METTL24: variants seen among roughly 807,000 people sequenced by gnomAD.
METTL24 encodes the protein methyltransferase like 24.
A neutral mutation model predicts 32.7 loss-of-function variants in METTL24; 29 were observed. That is an observed-to-expected ratio of 0.89 (90% confidence interval 0.66 to 1.21). METTL24 has a LOEUF of 1.21. Among genes scored for constraint, METTL24 ranks in the 50% most tolerant of loss-of-function variants. The pLI is 0.00. For synonymous variants in METTL24, 163 were observed against 179.5 expected (o/e 0.91, Z 0.73); for missense variants, 439 against 468.1 (o/e 0.94, Z 0.57).
chr6:110,278,313 C>T (rs200828838), intron 4 of METTL24, among the ~76,000 whole-genome samples: 8 of 152,144 alleles, frequency 5.3e-5, no homozygotes, highest in African/African-American at 1.4e-4. Context: ...ACTTTTTACA[C>T]GAAAGCTAGA....
chr6:110,347,670 G>A (rs893390861), intron 1 of METTL24, among the ~76,000 whole-genome samples: 7 of 152,120 alleles, frequency 4.6e-5, no homozygotes, highest in African/African-American at 1.7e-4. Flanking sequence ...TAGGAAATTT[G>A]TAAACATTCT....
At chr6:110,348,140 T>C (rs1282851245) in intron 1 of METTL24, among the ~76,000 whole-genome samples, 1 of 152,234 alleles carries the variant, frequency 6.6e-6, no homozygotes, top group Non-Finnish European at 1.5e-5. Flanking sequence ...CTGAACTCTT[T>C]CCATGTGAAC....
At position 110,358,125 on chromosome 6, in the gene METTL24, C is replaced by A; in HGVS notation, c.148G>T (p.Ala50Ser). 1.8e-6 allele frequency: 2 copies of A among 1,084,316 alleles called. No homozygotes were observed. Among genetic ancestry groups the A allele is most frequent in the Non-Finnish European group, 2.2e-6 (2 of 894,668 alleles). The allele number at this position is 1,084,316 out of a possible 1,614,324, so 67.2% of individuals were successfully genotyped here. The change falls in exon 1 of 5, where the codon GCC (alanine) becomes TCC (serine). Residue 50 changes from alanine to serine, a missense_variant. Transcript: ENST00000338882. Reference protein sequence around the residue: ...SPTRSAPPGPAWRPPGPHLPP... With the variant: ...SPTRSAPPGPSWRPPGPHLPP... ...AGGTGCGGCCCAGGTGGCCGCCAGG[C>A]CGGGCCCGGCGGGGCGCTGCGGGTG...
intron 4 of METTL24, among the ~76,000 whole-genome samples, chr6:110,275,753 C>A (rs1040395180): frequency 9.9e-5 from 15 of 152,072 alleles, no homozygotes; most frequent in African/African-American, 3.1e-4. Context: ...CAAACAACAA[C>A]AAAAAAATTC....
chr6:110,323,373 C>T (rs1390331968), intron 1 of METTL24, among the ~76,000 whole-genome samples: 2 of 152,156 alleles, frequency 1.3e-5, no homozygotes, highest in African/African-American at 4.8e-5. Context: ...GGGACCACGG[C>T]CCTTGGCTGC....
At chr6:110,323,222 G>A (rs768257964) in intron 1 of METTL24, among the ~76,000 whole-genome samples, 6 of 152,168 alleles carry the variant, frequency 3.9e-5, no homozygotes, top group Admixed American at 6.5e-5. Context: ...GTGCTCCTCC[G>A]GGAAAAGAAA....
At chr6:110,347,731 A>G (rs1772505314) in intron 1 of METTL24, among the ~76,000 whole-genome samples, 1 of 152,216 alleles carries the variant, frequency 6.6e-6, no homozygotes, top group Admixed American at 6.5e-5. Context: ...TATACTGTCA[A>G]TCCTACTATG....
intron 4 of METTL24, among the ~76,000 whole-genome samples, chr6:110,250,248 G>A (rs1395900018): frequency 6.6e-6 from 1 of 151,966 alleles, no homozygotes; most frequent in African/African-American, 2.4e-5. Flanking sequence ...AGAGCCATGA[G>A]AGAGAATGTG....
intron 4 of METTL24, among the ~76,000 whole-genome samples, chr6:110,263,905 A>G (rs1042601474): frequency 6.6e-6 from 1 of 152,206 alleles, no homozygotes; most frequent in Non-Finnish European, 1.5e-5. Flanking sequence ...TGCTGGGAAA[A>G]CTGGCTAGCC....
chr6:110,289,734 C>T (rs138421570), intron 4 of METTL24, among the ~76,000 whole-genome samples: 81 of 152,206 alleles, frequency 5.3e-4, no homozygotes, highest in African/African-American at 1.9e-3. Context: ...TGAATATTAA[C>T]AAGGTACAAA....
chr6:110,250,719 A>G (rs1778261695), intron 4 of METTL24, among the ~76,000 whole-genome samples: 1 of 152,210 alleles, frequency 6.6e-6, no homozygotes, highest in African/African-American at 2.4e-5. Flanking sequence ...TCCTTACATC[A>G]GCCAACACTG....
At chr6:110,299,612 C>G (rs1771484808) in intron 3 of METTL24, among the ~76,000 whole-genome samples, 2 of 152,102 alleles carry the variant, frequency 1.3e-5, no homozygotes, top group African/African-American at 4.8e-5. Flanking sequence ...TTAAAGACAA[C>G]AGCTGTTTTC....
In METTL24 at chr6:110,259,662, T is replaced by C. The variant is rs149223021; in HGVS notation, c.787-13402A>G. 1.4e-3 allele frequency among the ~76,000 whole-genome samples: 220 copies of C among 152,354 alleles called. 2 individuals are homozygous for C. The highest frequency in any genetic ancestry group is 5.1e-3 in the African/African-American group (213 of 41,598). On this transcript the variant is annotated intron_variant, in intron 4 of 4. Transcript: ENST00000338882. ...GCTTGAGATCTGAGAACGGACAGAC[T>C]GCCTCCTCAAGTGGGTCCCTGAACC... is the stretch of plus-strand genomic sequence containing the variant.
At chr6:110,249,464 T>C (rs984430206) in intron 4 of METTL24, among the ~76,000 whole-genome samples, 2 of 149,940 alleles carry the variant, frequency 1.3e-5, no homozygotes, top group African/African-American at 5.0e-5. Context: ...CTCTGCCTTC[T>C]GACCTGAGAG....
chr6:110,271,513 G>A (rs984136255), intron 4 of METTL24, among the ~76,000 whole-genome samples: 6 of 152,066 alleles, frequency 3.9e-5, no homozygotes, highest in Non-Finnish European at 7.4e-5. Context: ...AAAATTCAGT[G>A]TGATGAATAA....
chr6:110,306,793 A>G (rs1771634812), intron 3 of METTL24, among the ~76,000 whole-genome samples: 1 of 152,204 alleles, frequency 6.6e-6, no homozygotes, highest in African/African-American at 2.4e-5. Flanking sequence ...GTTACAAAAC[A>G]TGGCCCAAAG....
intron 1 of METTL24, among the ~76,000 whole-genome samples, chr6:110,334,692 A>G (rs1452024708): frequency 6.6e-6 from 1 of 152,186 alleles, no homozygotes; most frequent in Non-Finnish European, 1.5e-5. Flanking sequence ...CCCACTGAAT[A>G]TGTCATTGGT....
intron 1 of METTL24, among the ~76,000 whole-genome samples, chr6:110,350,375 G>A (rs905333552): frequency 1.3e-5 from 2 of 151,976 alleles, no homozygotes; most frequent in Non-Finnish European, 2.9e-5. Context: ...GTTTCAGTTG[G>A]GTCTGCCACT....
chr6:110,322,579 C>T (rs935743564), intron 2 of METTL24, among the ~76,000 whole-genome samples, 195 bp downstream of exon 2: 1 of 152,214 alleles, frequency 6.6e-6, no homozygotes, highest in Non-Finnish European at 1.5e-5. Context: ...GAGGAAGGAA[C>T]ATGCCCTAGC....
Sources: allele counts gnomAD v4.1 joint callset (sites outside exome capture counted in the v4.1 genomes callset), GRCh38; gene constraint gnomAD v4.1.1; transcripts MANE v1.5; gene names NCBI Gene and HGNC (gene_info 2026-07-23, HGNC 2026-07-21).